Variants in NUP160 observed in about 807,000 individuals in gnomAD.
The protein encoded by NUP160 is nuclear pore complex protein Nup160.
In NUP160, 94 loss-of-function variants were observed where a neutral mutation model predicts 196.9. The observed-to-expected ratio is 0.48, with a 90% CI of 0.40 to 0.57. NUP160 has a LOEUF of 0.57. NUP160 is among the 20% of genes least tolerant of loss of function. The pLI, the probability that NUP160 is intolerant of heterozygous loss-of-function variation, is 0.00. For synonymous variants in NUP160, 605 were observed against 619.7 expected, an observed-to-expected ratio of 0.98 and a Z score of 0.35; for missense variants, 1,638 against 1,748.3, an observed-to-expected ratio of 0.94 and a Z score of 1.13.
chr11:47,844,220 GCCT>G (rs774257456), intron 2 of NUP160, among the ~76,000 whole-genome samples: 8 of 152,042 alleles, frequency 5.3e-5, no homozygotes, highest in Non-Finnish European at 1.0e-4. Context: ...TGTGGCACCA[GCCT>G]CCTAACTGGT....
At chr11:47,807,257 C>T in intron 18 of NUP160, 117 bp from the exon 19 acceptor site, 1 of 640,742 alleles carries the variant, frequency 1.6e-6, no homozygotes, top group Non-Finnish European at 2.7e-6. Flanking sequence ...ATAAAAGCTC[C>T]ACTGAAAGCA....
chr11:47,841,898 A>G (rs1289411869), intron 2 of NUP160, among the ~76,000 whole-genome samples: 1 of 151,926 alleles, frequency 6.6e-6, no homozygotes, highest in East Asian at 1.9e-4. Context: ...CATGTTGGCC[A>G]GGCTGATCTT....
At chr11:47,840,479 C>A in exon 3 of NUP160, 1 of 1,614,116 alleles carries the variant, frequency 6.2e-7, no homozygotes, top group Non-Finnish European at 8.5e-7. Flanking sequence ...GAGACATAAA[C>A]CCCTCCAGGT....
chr11:47,798,097 G>A (rs1243642183), intron 25 of NUP160, 23 bp from the exon 26 acceptor site: 1 of 1,548,840 alleles, frequency 6.5e-7, no homozygotes, highest in Non-Finnish European at 8.9e-7. Flanking sequence ...AAAGGAATAT[G>A]AGGGCAAACT....
intron 7 of NUP160, among the ~76,000 whole-genome samples, chr11:47,833,368 T>C (rs908639494): frequency 6.6e-6 from 1 of 151,670 alleles, no homozygotes; most frequent in Admixed American, 6.6e-5. Flanking sequence ...TGAAGGAGAA[T>C]TGCTTGAACC....
At chr11:47,803,094 G>C (rs1291194771) in intron 22 of NUP160, among the ~76,000 whole-genome samples, 1 of 150,740 alleles carries the variant, frequency 6.6e-6, no homozygotes, top group African/African-American at 2.4e-5. Flanking sequence ...AAGGTGGGAG[G>C]ATCGCTTGAG....
chr11:47,809,682 A>T (rs1235294024), intron 17 of NUP160, among the ~76,000 whole-genome samples: 1 of 123,790 alleles, frequency 8.1e-6, no homozygotes, highest in African/African-American at 3.0e-5. Flanking sequence ...CAGGAGGCGG[A>T]GGTTGCAGAT....
At chr11:47,807,817 C>A (rs1422476467) in intron 18 of NUP160, among the ~76,000 whole-genome samples, 2 of 148,794 alleles carry the variant, frequency 1.3e-5, no homozygotes, top group Admixed American at 6.8e-5. Context: ...TATGTACACA[C>A]AAACGTGTAG....
At position 47,840,273 on chromosome 11, in the gene NUP160, G is replaced by A. The variant is rs1363565713; in HGVS notation, c.525+105C>T. 5.8e-6 allele frequency: 6 copies of A among 1,040,024 alleles called. No individual in the cohort carries two copies. Among genetic ancestry groups the A allele is most frequent in the South Asian group, 1.3e-5 (1 of 76,538 alleles). 64.4% of individuals were successfully genotyped at this position (1,040,024 alleles called of 1,614,324 possible). A position where few individuals can be genotyped will look rare whatever the true frequency, so the allele number is the denominator to read the frequency against. ...CAAAGTATGCTTGGTGAGGGATAAC[G>A]AGAATCCAAATTTCCTTCAATTCCA... On this transcript the variant is annotated intron_variant, in intron 3 of 35. Transcript: ENST00000378460.
chr11:47,809,571 A>T (rs535474072), intron 17 of NUP160, among the ~76,000 whole-genome samples: 1 of 152,174 alleles, frequency 6.6e-6, no homozygotes, highest in South Asian at 2.1e-4. Context: ...CAATATGGCG[A>T]AACCCCATCT....
At chr11:47,834,499 T>C (rs1852137413) in intron 7 of NUP160, among the ~76,000 whole-genome samples, 2 of 152,184 alleles carry the variant, frequency 1.3e-5, no homozygotes, top group African/African-American at 2.4e-5. Flanking sequence ...TTGGGCCATA[T>C]TAGGAAAAAA....
chr11:47,848,042 C>CA, intron 1 of NUP160, 83 bp from the exon 2 acceptor site: 1 of 1,294,162 alleles, frequency 7.7e-7, no homozygotes. Context: ...CAGAGAGTGA[C>CA]AGACTGACAA....
exon 17 of NUP160, chr11:47,812,206 C>T (rs778151133): frequency 5.0e-6 from 8 of 1,613,842 alleles, no homozygotes; most frequent in East Asian, 2.2e-5. Flanking sequence ...AAGATTCATT[C>T]GAATATTCAA....
intron 7 of NUP160, among the ~76,000 whole-genome samples, chr11:47,835,145 C>A (rs974678393): frequency 3.3e-5 from 5 of 152,140 alleles, no homozygotes; most frequent in African/African-American, 1.2e-4. Context: ...ACGCATATAG[C>A]ATATGAGCCC....
At chr11:47,846,408 C>T (rs978444482) in intron 2 of NUP160, among the ~76,000 whole-genome samples, 1 of 152,172 alleles carries the variant, frequency 6.6e-6, no homozygotes, top group African/African-American at 2.4e-5. Context: ...TTACTATGTC[C>T]AATAGAATTA....
rs373848714 is a variant in NUP160, at chr11:47,804,634, G to C, written c.2607-16C>G. On this transcript the variant is annotated splice_polypyrimidine_tract_variant and intron_variant, in intron 20 of 35. Transcript: ENST00000378460. ...GCTAGGCCATCTAGTCATTGGTTAA[G>C]GATATTTCTTAATTTTTGTTGGCAA... 1.3e-6 allele frequency: 2 copies of C among 1,495,382 alleles called. No individual in the cohort carries two copies. The highest frequency in any genetic ancestry group is 2.9e-5 in the African/African-American group (2 of 68,280). The allele number at this position is 1,495,382 out of a possible 1,614,324, so 92.6% of individuals were successfully genotyped here.
At chr11:47,830,673 G>A (rs1311680657) in intron 7 of NUP160, among the ~76,000 whole-genome samples, 3 of 152,078 alleles carry the variant, frequency 2.0e-5, no homozygotes, top group Admixed American at 1.3e-4. Flanking sequence ...TTATGAACAC[G>A]AAGAAGGAAA....
intron 2 of NUP160, among the ~76,000 whole-genome samples, chr11:47,844,474 C>A (rs1852362674): frequency 6.6e-6 from 1 of 152,184 alleles, no homozygotes; most frequent in African/African-American, 2.4e-5. Context: ...ACTCCTGGCT[C>A]CTTTCCACTC....
chr11:47,778,902 A>C (rs1295512213), exon 36 of NUP160: 2 of 477,174 alleles, frequency 4.2e-6, no homozygotes, highest in Non-Finnish European at 7.5e-6. Context: ...ACCAAGGTTG[A>C]ACACCAGAAA....
Sources: allele counts gnomAD v4.1 joint callset (sites outside exome capture counted in the v4.1 genomes callset), GRCh38; gene constraint gnomAD v4.1.1; transcripts MANE v1.5; gene names NCBI Gene and HGNC (gene_info 2026-07-23, HGNC 2026-07-21).